RICTOR: variants seen among roughly 807,000 people sequenced by gnomAD.
The protein encoded by RICTOR is RPTOR independent companion of MTOR complex 2.
In RICTOR, 49 loss-of-function variants were observed where a neutral mutation model predicts 214.9. That is an observed-to-expected ratio of 0.23 (90% CI 0.18 to 0.29). The LOEUF (loss-of-function observed/expected upper bound fraction) is 0.29. Among genes scored for constraint, RICTOR ranks in the 10% least tolerant of loss-of-function variants. The probability of loss-of-function intolerance (pLI) is 1.00; values close to 1 mark genes in which losing one functional copy is unlikely to be tolerated. For missense variants in RICTOR, 1,625 were observed against 2,047.0 expected, an observed-to-expected ratio of 0.79 and a Z score of 3.98; for synonymous variants, 717 against 711.3, an observed-to-expected ratio of 1.01 and a Z score of -0.13.
chr5:38,965,043 A>C, intron 15 of RICTOR, 151 bp from the exon 16 acceptor site: 1 of 500,700 alleles, frequency 2.0e-6, no homozygotes, highest in Admixed American at 3.7e-5. Context: ...ATACATGCTT[A>C]TTTATATTTT....
intron 34 of RICTOR, 137 bp downstream of exon 34, chr5:38,945,354 T>C: frequency 1.6e-6 from 1 of 642,620 alleles, no homozygotes; most frequent in Non-Finnish European, 2.7e-6. Context: ...CAGCATAACA[T>C]AATTTGGCAT....
At chr5:39,062,064 A>G (rs1758578135) in intron 2 of RICTOR, among the ~76,000 whole-genome samples, 1 of 152,124 alleles carries the variant, frequency 6.6e-6, no homozygotes, top group Non-Finnish European at 1.5e-5. Context: ...CTTATATGAC[A>G]TAAGAATTAA....
intron 7 of RICTOR, among the ~76,000 whole-genome samples, chr5:38,984,259 T>C (rs1751969639): frequency 6.6e-6 from 1 of 152,216 alleles, no homozygotes. Context: ...ATTAATCTTT[T>C]GTATTTCAAA....
chr5:38,962,345 A>G lies in RICTOR; in HGVS notation c.1685T>C (p.Leu562Pro), dbSNP rs767017221. The change falls in exon 19 of 38, where the codon CTA becomes CCA. Residue 562 changes from leucine to proline, a missense_variant. Leu to Pro is a moderately conservative substitution (Grantham distance 98). This residue lies in a region of RICTOR where 1,214 missense variants were observed against 1,470.5 expected (regional missense o/e 0.83). Transcript: ENST00000357387. ...GTILKWPNVNLRNYKDEQLHR... is the reference protein window; with the variant it reads ...GTILKWPNVNPRNYKDEQLHR... Reference sequence around the variant, plus strand: ...TAACTGTTCATCTTTATAGTTTCTTAGATTTACATTTGGCCACTAGAAAAA... The same window carrying G: ...TAACTGTTCATCTTTATAGTTTCTTGGATTTACATTTGGCCACTAGAAAAA... 2 of 1,430,844 alleles carry G rather than the reference A, an allele frequency of 1.4e-6. No individual in the cohort carries two copies. The highest frequency in any genetic ancestry group is 1.9e-6 in the Non-Finnish European group (2 of 1,029,044). The allele number at this position is 1,430,844 out of a possible 1,614,324, so 88.6% of individuals were successfully genotyped here. A position where few individuals can be genotyped will look rare whatever the true frequency, so the allele number is the denominator to read the frequency against.
intron 26 of RICTOR, 189 bp from the exon 27 acceptor site, chr5:38,955,050 G>A (rs1475534054): frequency 7.2e-5 from 32 of 443,284 alleles, no homozygotes; most frequent in Non-Finnish European, 1.6e-5. Context: ...AATCCAAAAT[G>A]ATCCAAAATC....
rs1561452765 is a variant in RICTOR at position 38,954,762 on chromosome 5, TTA to T, written c.2697+10_2697+11del. 6.8e-7 allele frequency: 1 copy of T among 1,470,788 alleles called. No individual in the cohort carries two copies. Among genetic ancestry groups the T allele is most frequent in the East Asian group, 2.3e-5 (1 of 44,008 alleles). 91.1% of individuals were successfully genotyped at this position (1,470,788 alleles called of 1,614,324 possible). On this transcript the variant is annotated intron_variant, in intron 27 of 37. Coordinates refer to ENST00000357387, the MANE Select transcript of RICTOR (RefSeq NM_152756.5). Reference sequence around the variant, plus strand: ...ATTGTAGCTACTTAAAATAAGTGAATTATGTTTTTACCTGTACTTCCAACAAA... The same window carrying T: ...ATTGTAGCTACTTAAAATAAGTGAATTGTTTTTACCTGTACTTCCAACAAA...
At chr5:38,995,373 A>C (rs1753101023) in intron 6 of RICTOR, among the ~76,000 whole-genome samples, 1 of 152,130 alleles carries the variant, frequency 6.6e-6, no homozygotes, top group Non-Finnish European at 1.5e-5. Flanking sequence ...TGAGGACACA[A>C]AGGCATATGA....
chr5:38,947,649 T>A (rs1042983701), intron 31 of RICTOR, among the ~76,000 whole-genome samples: 1 of 152,134 alleles, frequency 6.6e-6, no homozygotes, highest in Non-Finnish European at 1.5e-5. Flanking sequence ...TAATGTTGAC[T>A]GTTACCAAAA....
chr5:39,013,303 G>A (rs939856855), intron 3 of RICTOR, among the ~76,000 whole-genome samples: 4 of 151,966 alleles, frequency 2.6e-5, no homozygotes, highest in Admixed American at 6.5e-5. Context: ...ATTTTAAGAC[G>A]GGTTAAAGAT....
At position 38,950,112 on chromosome 5, in the gene RICTOR, T is replaced by C. The variant is rs760139471; in HGVS notation, c.3736A>G (p.Thr1246Ala). 17 of 1,613,082 alleles carry C rather than the reference T, an allele frequency of 1.1e-5. No homozygotes were observed. In the East Asian group the frequency reaches 1.8e-4, roughly 17 times the overall value. ...PSRETVGVDATTMDTDCGSMS... is the reference protein window; with the variant it reads ...PSRETVGVDAATMDTDCGSMS... ...CTTCCACAGTCTGTGTCCATAGTTG[T>C]AGCATCTACACCTACTGTCTCTCGT... The change falls in exon 31 of 38, where the codon ACA becomes GCA. Residue 1246 changes from threonine to alanine, a missense_variant. Transcript: ENST00000357387.
intron 2 of RICTOR, among the ~76,000 whole-genome samples, chr5:39,051,417 C>T (rs1315880298): frequency 6.6e-6 from 1 of 152,110 alleles, no homozygotes; most frequent in Non-Finnish European, 1.5e-5. Flanking sequence ...GAAAACTTAA[C>T]AGCACATCTG....
At chr5:38,944,703 G>C in intron 35 of RICTOR, 134 bp from the exon 36 acceptor site, 1 of 907,640 alleles carries the variant, frequency 1.1e-6, no homozygotes, top group Non-Finnish European at 1.6e-6. Context: ...CATTTTGGGA[G>C]CAAAACTCTA....
chr5:38,990,539 T>TA (rs1752532727), intron 7 of RICTOR, among the ~76,000 whole-genome samples: 1 of 141,340 alleles, frequency 7.1e-6, no homozygotes, highest in Admixed American at 7.0e-5. Context: ...ATATATACGA[T>TA]ATATACACGA....
intron 2 of RICTOR, among the ~76,000 whole-genome samples, chr5:39,065,653 T>C (rs1561083065): frequency 6.6e-6 from 1 of 152,218 alleles, no homozygotes; most frequent in Non-Finnish European, 1.5e-5. Flanking sequence ...AATGAGGATA[T>C]AGGCATTGGA....
intron 2 of RICTOR, chr5:39,022,357 C>T (rs989806115): frequency 1.3e-5 from 2 of 153,014 alleles, no homozygotes; most frequent in African/African-American, 4.8e-5. Flanking sequence ...AGAGCAATTA[C>T]TTGAAGAAAT....
In RICTOR at chr5:38,939,613, G is replaced by T. The variant is rs2082915513; in HGVS notation, c.*2691C>A. On this transcript the variant is annotated 3_prime_UTR_variant, in exon 38 of 38. Coordinates refer to ENST00000357387, the MANE Select transcript of RICTOR (RefSeq NM_152756.5). Reference sequence around the variant, plus strand: ...CTGTTCTTGAAAAAAAGTTCAATTAGAAATAACAATTCACTTTACGATTAG... The same window carrying T: ...CTGTTCTTGAAAAAAAGTTCAATTATAAATAACAATTCACTTTACGATTAG... The T allele has an allele frequency of 4.3e-6, 1 of 230,634 alleles. No homozygotes were observed. Among genetic ancestry groups the T allele is most frequent in the South Asian group, 1.8e-4 (1 of 5,510 alleles). The allele number at this position is 230,634 out of a possible 1,614,324, so 14.3% of individuals were successfully genotyped here. A position where few individuals can be genotyped will look rare whatever the true frequency, so the allele number is the denominator to read the frequency against.
intron 2 of RICTOR, among the ~76,000 whole-genome samples, chr5:39,033,163 T>C (rs1756392319): frequency 6.6e-6 from 1 of 152,196 alleles, no homozygotes; most frequent in Admixed American, 6.5e-5. Context: ...AAACTTCAAC[T>C]GCAGTGTCTG....
intron 2 of RICTOR, among the ~76,000 whole-genome samples, chr5:39,059,509 T>C (rs186727977): frequency 6.6e-6 from 1 of 152,292 alleles, no homozygotes; most frequent in Admixed American, 6.5e-5. Flanking sequence ...TTTGGATCTA[T>C]GCTATCTTTC....
chr5:38,999,027 C>CAAAAAAA (rs1186312478), intron 5 of RICTOR, among the ~76,000 whole-genome samples: 12 of 25,326 alleles, frequency 4.7e-4, no homozygotes, highest in South Asian at 1.5e-3. Flanking sequence ...AACAAACAGG[C>CAAAAAAA]AAAAAAAAAA....
Sources: gnomAD v4.1 joint callset for allele counts (sites outside exome capture counted in the v4.1 genomes callset) on GRCh38, gnomAD v4.1.1 for gene constraint, gnomAD v4.1.1 regional missense constraint, MANE v1.5 for transcripts, NCBI Gene and HGNC (gene_info 2026-07-23, HGNC 2026-07-21) for gene names.